CSMD1: variants seen among roughly 807,000 people sequenced by gnomAD.
CSMD1 encodes the protein CUB and Sushi multiple domains 1.
CSMD1 carries 213 observed loss-of-function variants against 417.5 expected under a neutral mutation model. The ratio of observed to expected loss-of-function variants is 0.51; its 90% confidence interval spans 0.46 to 0.57. The LOEUF (loss-of-function observed/expected upper bound fraction) is 0.57, where lower values mean the gene tolerates loss of function less well. Ranked by LOEUF, CSMD1 falls within the 20% of genes least tolerant of loss-of-function variation. The pLI, the probability that CSMD1 is intolerant of heterozygous loss-of-function variation, is 0.00. For synonymous variants in CSMD1, 2,862 were observed against 1,736.8 expected, an observed-to-expected ratio of 1.65 and a Z score of -16.11; for missense variants, 6,923 against 4,529.7, an observed-to-expected ratio of 1.53 and a Z score of -15.17.
intron 18 of CSMD1, among the ~76,000 whole-genome samples, chr8:3,385,133 A>G (rs1354190581): frequency 1.5e-5 from 2 of 133,204 alleles, no homozygotes; most frequent in Non-Finnish European, 3.1e-5. Context: ...ATATAAATAT[A>G]TAATACATAA....
chr8:4,383,062 G>C (rs891599964), intron 3 of CSMD1, among the ~76,000 whole-genome samples: 2 of 152,168 alleles, frequency 1.3e-5, no homozygotes, highest in Non-Finnish European at 2.9e-5. Flanking sequence ...GGATTCGGGA[G>C]TAATAGCTGC....
In CSMD1 at chr8:3,574,084, C is replaced by G. The variant is rs147250423; in HGVS notation, c.1344+861G>C. ...TGTATGCAAACTTACAGAGAAATAA[C>G]AGTATTACCCTCTATTACTACCCTG... On this transcript the variant is annotated intron_variant, in intron 10 of 69. Transcript: ENST00000635120. Among the ~76,000 whole-genome samples, 1,263 of 152,160 alleles carry G rather than the reference C, an allele frequency of 8.3e-3. 13 individuals are homozygous for G. The highest frequency in any genetic ancestry group is 0.011 in the Non-Finnish European group (743 of 68,002).
intron 1 of CSMD1, among the ~76,000 whole-genome samples, chr8:4,639,138 C>G (rs1326019986): frequency 6.6e-6 from 1 of 152,172 alleles, no homozygotes; most frequent in Non-Finnish European, 1.5e-5. Flanking sequence ...GATCTTCATC[C>G]ACCTACTTTG....
chr8:3,190,855 TAAGC>T (rs1796376618), intron 33 of CSMD1, among the ~76,000 whole-genome samples: 1 of 152,100 alleles, frequency 6.6e-6, no homozygotes, highest in Non-Finnish European at 1.5e-5. Context: ...AATAAGCAAA[TAAGC>T]AGCCACAGAA....
chr8:3,726,799 G>C (rs1229190379), intron 6 of CSMD1, among the ~76,000 whole-genome samples: 1 of 152,086 alleles, frequency 6.6e-6, no homozygotes, highest in Non-Finnish European at 1.5e-5. Context: ...GAAATGAGTT[G>C]TGCAAATATC....
intron 7 of CSMD1, among the ~76,000 whole-genome samples, chr8:3,670,879 G>C (rs972731686): frequency 6.7e-6 from 1 of 150,002 alleles, no homozygotes; most frequent in Non-Finnish European, 1.5e-5. Flanking sequence ...ATATGTATAT[G>C]GGATATATAT....
Position 3,196,660 on chromosome 8 carries a change from G to A in CSMD1, c.5194+3054C>T, listed in dbSNP as rs184547495. On this transcript the variant is annotated intron_variant, in intron 33 of 69. Transcript: ENST00000635120. ...TGATGAAGTGGTTGCTGATTCAGAG[G>A]GGGGTGAAAGGTTGGGCAGGCAGGA... Among the ~76,000 whole-genome samples, 15 of 152,210 alleles carry A rather than the reference G, an allele frequency of 9.9e-5. No individual in the cohort carries two copies. The East Asian group carries it at 2.5e-3, about 26-fold the overall frequency.
intron 10 of CSMD1, among the ~76,000 whole-genome samples, chr8:3,513,085 G>C (rs557066717): frequency 1.1e-3 from 173 of 151,772 alleles, no homozygotes; most frequent in African/African-American, 4.1e-3. Flanking sequence ...CATGGTCATT[G>C]TCTAGCCCTC....
chr8:4,485,047 T>C (rs1158220622), intron 2 of CSMD1, among the ~76,000 whole-genome samples: 1 of 144,540 alleles, frequency 6.9e-6, no homozygotes, highest in Non-Finnish European at 1.5e-5. Context: ...CATATGGCTT[T>C]CTTCCCATTT....
At chr8:4,890,275 G>C (rs1804023888) in intron 1 of CSMD1, among the ~76,000 whole-genome samples, 1 of 152,100 alleles carries the variant, frequency 6.6e-6, no homozygotes, top group Non-Finnish European at 1.5e-5. Context: ...GGTGAGAAAC[G>C]AGAAATGCAA....
chr8:3,996,278 T>G (rs1815206024), intron 5 of CSMD1, among the ~76,000 whole-genome samples: 1 of 152,212 alleles, frequency 6.6e-6, no homozygotes, highest in Admixed American at 6.5e-5. Flanking sequence ...CCTTTAACTT[T>G]AAGCATATAA....
intron 3 of CSMD1, among the ~76,000 whole-genome samples, chr8:4,075,853 G>A (rs541498458): frequency 7.9e-5 from 12 of 152,264 alleles, no homozygotes; most frequent in African/African-American, 2.9e-4. Context: ...ATTGTCCTCA[G>A]GGAGCCAGTT....
At chr8:4,899,431 G>A (rs1804718936) in intron 1 of CSMD1, among the ~76,000 whole-genome samples, 1 of 152,114 alleles carries the variant, frequency 6.6e-6, no homozygotes, top group African/African-American at 2.4e-5. Flanking sequence ...AGTATTTTAG[G>A]TAATTGAGAA....
intron 1 of CSMD1, among the ~76,000 whole-genome samples, chr8:4,740,475 T>C (rs1023370495): frequency 1.3e-5 from 2 of 152,132 alleles, no homozygotes; most frequent in African/African-American, 4.8e-5. Flanking sequence ...CTGGGATGTG[T>C]TTAGAGGAAA....
chr8:4,635,632 T>C (rs1030317676), intron 2 of CSMD1, among the ~76,000 whole-genome samples: 7 of 152,252 alleles, frequency 4.6e-5, no homozygotes, highest in African/African-American at 1.7e-4. Flanking sequence ...ATAAAATGGA[T>C]TGTCTAATTC....
At chr8:3,323,202 G>T (rs767854324) in intron 23 of CSMD1, among the ~76,000 whole-genome samples, 60 of 152,116 alleles carry the variant, frequency 3.9e-4, no homozygotes, top group Admixed American at 9.2e-4. Context: ...ATAATCTATG[G>T]TTCACATCAC....
chr8:3,293,681 G>C (rs1438725971), intron 25 of CSMD1, among the ~76,000 whole-genome samples: 2 of 152,116 alleles, frequency 1.3e-5, no homozygotes, highest in Admixed American at 1.3e-4. Context: ...GCTACATCAG[G>C]TCCTTTAAGG....
intron 3 of CSMD1, among the ~76,000 whole-genome samples, chr8:4,163,312 T>C (rs1287817340): frequency 1.3e-5 from 2 of 152,150 alleles, no homozygotes; most frequent in Admixed American, 1.3e-4. Flanking sequence ...ACCACCCAAT[T>C]GTCTTCCAAA....
At position 3,753,107 on chromosome 8, in the gene CSMD1, C is replaced by G. The variant is rs183935138; in HGVS notation, c.931+823G>C. 5.3e-5 allele frequency among the ~76,000 whole-genome samples: 8 copies of G among 152,268 alleles called. No homozygotes were observed. In the East Asian group the frequency reaches 1.5e-3, roughly 29 times the overall value. ...CTGGCACTGCAGGGCTTGGTGTCCT[C>G]TCTGGCACATGGCAGGTGTTCAGCG... On this transcript the variant is annotated intron_variant, in intron 6 of 69. Transcript: ENST00000635120.
Sources: allele counts gnomAD v4.1 joint callset (sites outside exome capture counted in the v4.1 genomes callset), GRCh38; gene constraint gnomAD v4.1.1; transcripts MANE v1.5; gene names NCBI Gene and HGNC (gene_info 2026-07-23, HGNC 2026-07-21).